Variants in ANKS3 observed in about 807,000 individuals in gnomAD.
The protein encoded by ANKS3 is ankyrin repeat and sterile alpha motif domain containing 3, also known as ankyrin repeat and SAM domain-containing protein 3.
Under a neutral mutation model 80.7 loss-of-function variants are expected in ANKS3, and 62 were observed. That is an observed-to-expected ratio of 0.77 (90% CI 0.63 to 0.95). The LOEUF (loss-of-function observed/expected upper bound fraction) is 0.95, where lower values mean the gene tolerates loss of function less well. ANKS3 is among the 40% of genes least tolerant of loss of function. The pLI, the probability that ANKS3 is intolerant of heterozygous loss-of-function variation, is 0.00. For synonymous variants in ANKS3, 489 were observed against 355.3 expected (o/e 1.38, Z -4.23); for missense variants, 1,150 against 883.6 (o/e 1.30, Z -3.82).
rs895100472 is a variant in ANKS3 at position 4,699,325 on chromosome 16, G to C, written c.1285-149C>G. Reference sequence around the variant, plus strand: ...GCCCAGGCTGTCCCCTCCTACTCTGGTGGCTCAGGCAGGGCAGGATGTTGC... The same window carrying C: ...GCCCAGGCTGTCCCCTCCTACTCTGCTGGCTCAGGCAGGGCAGGATGTTGC... On this transcript the variant is annotated intron_variant, in intron 11 of 17. Coordinates refer to ENST00000304283, the MANE Select transcript of ANKS3 (RefSeq NM_133450.4). 2.3e-5 allele frequency: 26 copies of C among 1,135,868 alleles called. No individual in the cohort carries two copies. In the Admixed American group the frequency reaches 3.0e-4, roughly 13 times the overall value. 70.4% of individuals were successfully genotyped at this position (1,135,868 alleles called of 1,614,324 possible).
intron 6 of ANKS3, among the ~76,000 whole-genome samples, chr16:4,718,074 C>T (rs1188508955): frequency 1.3e-5 from 2 of 150,000 alleles, no homozygotes; most frequent in Non-Finnish European, 3.0e-5. Flanking sequence ...CATGCCTGGC[C>T]AATTTTTTTT....
chr16:4,696,741 C>T lies in ANKS3; in HGVS notation c.*167G>A, dbSNP rs564116952. On this transcript the variant is annotated 3_prime_UTR_variant, in exon 18 of 18. Transcript: ENST00000304283. Reference sequence around the variant, plus strand: ...CTGGCCCGAGCTGCCGAGCCAGGGCCGCAGCCCCCGTCTTGCCTCTGTCTG... The same window carrying T: ...CTGGCCCGAGCTGCCGAGCCAGGGCTGCAGCCCCCGTCTTGCCTCTGTCTG... The T allele has an allele frequency of 1.3e-4, 68 of 517,770 alleles. No individual in the cohort carries two copies. The highest frequency in any genetic ancestry group is 1.1e-3 in the South Asian group (51 of 47,760). The allele number at this position is 517,770 out of a possible 1,614,324, so 32.1% of individuals were successfully genotyped here.
At chr16:4,732,086 T>C (rs189786563) in intron 1 of ANKS3, among the ~76,000 whole-genome samples, 13 of 152,242 alleles carry the variant, frequency 8.5e-5, no homozygotes, top group Non-Finnish European at 1.6e-4. Context: ...AAGCCACCAA[T>C]GTGGGAGACG....
chr16:4,714,632 G>C lies in ANKS3; in HGVS notation c.574-446C>G, dbSNP rs191605682. On this transcript the variant is annotated intron_variant, in intron 6 of 17. Coordinates refer to ENST00000304283, the MANE Select transcript of ANKS3 (RefSeq NM_133450.4). ...ATAATGTATTTACAGGTCTTGCAGC[G>C]CAACAATTCCACTTCCATGACCCTA... Among the ~76,000 whole-genome samples the C allele has an allele frequency of 8.1e-4, 123 of 152,324 alleles. 1 individual carries two copies. Among genetic ancestry groups the C allele is most frequent in the Non-Finnish European group, 1.2e-3 (83 of 68,028 alleles).
At chr16:4,713,282 A>G (rs1015130250) in intron 7 of ANKS3, among the ~76,000 whole-genome samples, 18 of 152,240 alleles carry the variant, frequency 1.2e-4, no homozygotes, top group African/African-American at 3.9e-4. Flanking sequence ...AAAAAAAACA[A>G]AAGTTTGCAG....
At chr16:4,730,860 A>G (rs1011790858) in intron 2 of ANKS3, among the ~76,000 whole-genome samples, 9 of 151,766 alleles carry the variant, frequency 5.9e-5, no homozygotes, top group Non-Finnish European at 1.2e-4. Flanking sequence ...TCCAAAAACA[A>G]AACAAAAAAA....
chr16:4,732,224 G>A (rs1258103100), intron 1 of ANKS3, among the ~76,000 whole-genome samples: 1 of 152,116 alleles, frequency 6.6e-6, no homozygotes, highest in Non-Finnish European at 1.5e-5. Flanking sequence ...CCCTCACTTT[G>A]CAGGTGAGAA....
At position 4,698,076 on chromosome 16, in the gene ANKS3, A is replaced by T. The variant is rs763903150; in HGVS notation, c.1725-14T>A. 6.3e-7 allele frequency: 1 copy of T among 1,599,880 alleles called. No individual in the cohort carries two copies. Among genetic ancestry groups the T allele is most frequent in the South Asian group, 1.1e-5 (1 of 88,676 alleles). On this transcript the variant is annotated splice_polypyrimidine_tract_variant and intron_variant, in intron 14 of 17. Coordinates refer to ENST00000304283, the MANE Select transcript of ANKS3 (RefSeq NM_133450.4). ...GCTTGACAGGCTCTGCCAGACACAG[A>T]AACAAATATTGGTGAGAGCAGAGGC...
At chr16:4,714,020 C>G in intron 7 of ANKS3, 31 bp downstream of exon 7, 1 of 1,610,990 alleles carries the variant, frequency 6.2e-7, no homozygotes. Context: ...ACCAGAGACC[C>G]CAGCAGGGCG....
intron 6 of ANKS3, among the ~76,000 whole-genome samples, chr16:4,721,463 T>C (rs2081088984): frequency 6.7e-6 from 1 of 150,132 alleles, no homozygotes; most frequent in African/African-American, 2.4e-5. Flanking sequence ...ATACAAAAAT[T>C]GGCTGGGCGT....
chr16:4,721,801 G>C (rs2081116483), intron 6 of ANKS3, among the ~76,000 whole-genome samples: 1 of 150,694 alleles, frequency 6.6e-6, no homozygotes, highest in African/African-American at 2.4e-5. Context: ...CCTGTATTTT[G>C]TATTTTTGTA....
chr16:4,707,208 A>C (rs2080239910), intron 7 of ANKS3, among the ~76,000 whole-genome samples: 1 of 152,160 alleles, frequency 6.6e-6, no homozygotes, highest in Admixed American at 6.5e-5. Context: ...AAACCACAAA[A>C]GAGCCAGGGC....
intron 7 of ANKS3, among the ~76,000 whole-genome samples, chr16:4,708,201 C>T (rs908428273): frequency 1.9e-4 from 29 of 152,042 alleles, no homozygotes. Flanking sequence ...TATAAACACT[C>T]TCTGATCAGA....
chr16:4,701,251 CAG>C lies in ANKS3; in HGVS notation c.1120-119_1120-118del, dbSNP rs2079885046. 1.5e-5 allele frequency: 22 copies of C among 1,515,066 alleles called. No individual in the cohort carries two copies. In the East Asian group the frequency reaches 2.1e-4, roughly 14 times the overall value. 93.9% of individuals were successfully genotyped at this position (1,515,066 alleles called of 1,614,324 possible). ...TTCGTGAAACCCCCCACCCGCCACA[CAG>C]GGGCTTCCGGTGCGTTCGCTGTCGT... On this transcript the variant is annotated intron_variant, in intron 10 of 17. Coordinates refer to ENST00000304283, the MANE Select transcript of ANKS3 (RefSeq NM_133450.4).
At chr16:4,704,181 G>A (rs1219242552) in intron 8 of ANKS3, among the ~76,000 whole-genome samples, 2 of 152,194 alleles carry the variant, frequency 1.3e-5, no homozygotes, top group African/African-American at 2.4e-5. Context: ...GGGAGAAGGT[G>A]GGTCTCCAGT....
At chr16:4,722,744 C>T (rs981812720) in intron 6 of ANKS3, among the ~76,000 whole-genome samples, 6 of 151,146 alleles carry the variant, frequency 4.0e-5, no homozygotes, top group African/African-American at 1.2e-4. Flanking sequence ...ATGGTGAAAC[C>T]TCATCTCTAC....
Position 4,730,010 on chromosome 16 carries a change from T to C in ANKS3, c.140A>G (p.Gln47Arg). The C allele has an allele frequency of 7.0e-6, 11 of 1,562,280 alleles. No individual in the cohort carries two copies. Among genetic ancestry groups the C allele is most frequent in the Non-Finnish European group, 9.6e-6 (11 of 1,148,568 alleles). Residue 47 changes from glutamine (Q) to arginine (R), a missense_variant, in exon 3 of 18, where the codon CAG becomes CGG. By Grantham distance (43) the Gln-to-Arg change is conservative. Coordinates refer to ENST00000304283, the MANE Select transcript of ANKS3 (RefSeq NM_133450.4). ...LDLHTAASIG[Q>R]YEVVKECVQR... ...CACACACTCCTTCACCACTTCATAC[T>C]GGCCAATGGAAGCAGCTGTGTGAAG... is the stretch of plus-strand genomic sequence containing the variant.
At chr16:4,697,189 G>T (rs1488524547) in intron 16 of ANKS3, 85 bp from the exon 17 acceptor site, 5 of 1,561,790 alleles carry the variant, frequency 3.2e-6, no homozygotes, top group African/African-American at 2.7e-5. Context: ...TGCAGGATGT[G>T]ACCTGCCCCT....
intron 7 of ANKS3, among the ~76,000 whole-genome samples, chr16:4,705,902 C>T (rs2080162599): frequency 6.6e-6 from 1 of 151,636 alleles, no homozygotes. Flanking sequence ...ACTACTTTTT[C>T]CTAATCCCTT....
Sources: gnomAD v4.1 joint callset for allele counts (sites outside exome capture counted in the v4.1 genomes callset) on GRCh38, gnomAD v4.1.1 for gene constraint, MANE v1.5 for transcripts, NCBI Gene and HGNC (gene_info 2026-07-23, HGNC 2026-07-21) for gene names.